Variants in BLK observed in about 807,000 individuals in gnomAD.
BLK encodes the protein BLK proto-oncogene, Src family tyrosine kinase.
Under a neutral mutation model 61.8 loss-of-function variants are expected in BLK, and 64 were observed. The ratio of observed to expected loss-of-function variants is 1.03; its 90% CI spans 0.85 to 1.27. BLK has a LOEUF of 1.27. Ranked by LOEUF, BLK falls within the 50% of genes most tolerant of loss-of-function variation. BLK has a pLI of 0.00. For missense variants in BLK, 853 were observed against 660.5 expected (o/e 1.29, Z -3.19); for synonymous variants, 351 against 272.0 (o/e 1.29, Z -2.86).
intron 4 of BLK, among the ~76,000 whole-genome samples, 172 bp from the exon 5 acceptor site, chr8:11,548,852 A>T (rs1800769160): frequency 1.3e-5 from 2 of 152,192 alleles, no homozygotes; most frequent in African/African-American, 4.8e-5. Context: ...TTGCCCGGAT[A>T]GCCACTGTAC....
chr8:11,526,608 A>G (rs1174194136), intron 1 of BLK, among the ~76,000 whole-genome samples: 1 of 152,198 alleles, frequency 6.6e-6, no homozygotes, highest in Non-Finnish European at 1.5e-5. Flanking sequence ...CGTCCCAGCT[A>G]CTTGGGAGGC....
chr8:11,513,830 A>G lies in BLK; in HGVS notation c.-2+19239A>G, dbSNP rs147068517. On this transcript the variant is annotated intron_variant, in intron 1 of 12. Transcript: ENST00000259089. ...CGGGCAGTCCACACCACCGCCGCGC[A>G]CTGCATGAGAACCCTGTGTGAAGGG... is the stretch of plus-strand genomic sequence containing the variant. Among the ~76,000 whole-genome samples, 1,033 of 152,310 alleles carry G rather than the reference A, an allele frequency of 6.8e-3. 8 individuals are homozygous for G. Among genetic ancestry groups the G allele is most frequent in the African/African-American group, 0.023 (970 of 41,566 alleles).
chr8:11,504,832 G>A (rs1798706982), intron 1 of BLK, among the ~76,000 whole-genome samples: 1 of 152,228 alleles, frequency 6.6e-6, no homozygotes, highest in Non-Finnish European at 1.5e-5. Context: ...AGTGGCCCAT[G>A]TGGACTTTGT....
chr8:11,555,379 C>A lies in BLK; in HGVS notation c.667C>A (p.Pro223Thr), dbSNP rs551647338. Residue 223 changes from proline to threonine, a missense_variant, in exon 8 of 13, where the codon CCG becomes ACG. Coordinates refer to ENST00000259089, the MANE Select transcript of BLK (RefSeq NM_001715.3). Reference protein sequence around the residue: ...CQRLTLPCVRPAPQNPWAQDE... With the variant: ...CQRLTLPCVRTAPQNPWAQDE... Reference sequence around the variant, plus strand: ...GAGGCTGACCCTGCCCTGTGTGCGCCCGGCCCCGCAGAATCCCTGGGCCCA... The same window carrying A: ...GAGGCTGACCCTGCCCTGTGTGCGCACGGCCCCGCAGAATCCCTGGGCCCA... 1 of 1,614,106 alleles carries A rather than the reference C, an allele frequency of 6.2e-7. No individual in the cohort carries two copies. The highest frequency in any genetic ancestry group is 1.1e-5 in the South Asian group (1 of 91,080).
At chr8:11,512,047 T>TC (rs2117290458) in intron 1 of BLK, among the ~76,000 whole-genome samples, 1 of 152,336 alleles carries the variant, frequency 6.6e-6, no homozygotes, top group African/African-American at 2.4e-5. Flanking sequence ...TATCAAGTGG[T>TC]AAGATGGGGC....
chr8:11,547,821 T>C (rs1800713180), intron 3 of BLK, among the ~76,000 whole-genome samples: 1 of 152,058 alleles, frequency 6.6e-6, no homozygotes. Context: ...GGCTTCTTAG[T>C]GGGTCCACAA....
intron 1 of BLK, among the ~76,000 whole-genome samples, chr8:11,519,912 T>C (rs1318669871): frequency 6.6e-6 from 1 of 152,184 alleles, no homozygotes; most frequent in East Asian, 1.9e-4. Flanking sequence ...ACCAAAATAT[T>C]CACAGAGATT....
intron 10 of BLK, chr8:11,559,737 G>A (rs1169046423): frequency 1.8e-5 from 8 of 455,892 alleles, no homozygotes; most frequent in African/African-American, 4.0e-5. Context: ...CCCATGCCTC[G>A]CCACCCCTCT....
chr8:11,514,643 C>T (rs954073110), intron 1 of BLK, among the ~76,000 whole-genome samples: 3 of 152,196 alleles, frequency 2.0e-5, no homozygotes, highest in African/African-American at 7.2e-5. Context: ...ATTGCACTGC[C>T]CCCACCTCTG....
intron 1 of BLK, among the ~76,000 whole-genome samples, chr8:11,539,773 G>A (rs1455561495): frequency 1.3e-5 from 2 of 152,160 alleles, no homozygotes; most frequent in Non-Finnish European, 2.9e-5. Context: ...ATTAATCCTA[G>A]AAATGGAGCG....
At chr8:11,510,647 C>A (rs1798963006) in intron 1 of BLK, among the ~76,000 whole-genome samples, 1 of 152,002 alleles carries the variant, frequency 6.6e-6, no homozygotes, top group Non-Finnish European at 1.5e-5. Flanking sequence ...TTCTGGGAAT[C>A]CGAGATTGAA....
intron 1 of BLK, among the ~76,000 whole-genome samples, chr8:11,514,312 A>G (rs1479312864): frequency 6.6e-6 from 1 of 152,204 alleles, no homozygotes; most frequent in Non-Finnish European, 1.5e-5. Flanking sequence ...CAAATGTGAG[A>G]AAACCCACTT....
intron 1 of BLK, among the ~76,000 whole-genome samples, chr8:11,523,495 G>C (rs1799534219): frequency 6.6e-6 from 1 of 152,188 alleles, no homozygotes; most frequent in African/African-American, 2.4e-5. Flanking sequence ...GGAGATTGCA[G>C]TGAGCTGCGA....
At chr8:11,531,088 TGACTGAC>T (rs1405186319) in intron 1 of BLK, among the ~76,000 whole-genome samples, 1 of 152,238 alleles carries the variant, frequency 6.6e-6, no homozygotes, top group Non-Finnish European at 1.5e-5. Flanking sequence ...ATTCCCCTAA[TGACTGAC>T]GACACCGAAC....
intron 1 of BLK, among the ~76,000 whole-genome samples, chr8:11,542,898 C>A (rs1800449431): frequency 6.6e-6 from 1 of 152,210 alleles, no homozygotes. Flanking sequence ...TGGGCTCTTT[C>A]TAGAACACCA....
intron 1 of BLK, among the ~76,000 whole-genome samples, chr8:11,501,108 C>T (rs1302289088): frequency 6.6e-6 from 1 of 152,054 alleles, no homozygotes; most frequent in African/African-American, 2.4e-5. Flanking sequence ...ACTCAGAAGG[C>T]TGAGGCAGGA....
intron 1 of BLK, among the ~76,000 whole-genome samples, chr8:11,495,560 G>T (rs1798333467): frequency 6.6e-6 from 1 of 152,020 alleles, no homozygotes; most frequent in South Asian, 2.1e-4. Context: ...CATAACCCCA[G>T]TCAAATCATG....
At chr8:11,563,683 T>C (rs752757101) in intron 12 of BLK, among the ~76,000 whole-genome samples, 19 of 152,218 alleles carry the variant, frequency 1.2e-4, no homozygotes, top group Non-Finnish European at 1.5e-4. Context: ...GGAGAAAATC[T>C]ACAGCCTCAT....
At position 11,546,100 on chromosome 8, in the gene BLK, G is replaced by A; in HGVS notation, c.172G>A (p.Glu58Lys). 1.9e-6 allele frequency: 3 copies of A among 1,614,196 alleles called. No individual in the cohort carries two copies. Among genetic ancestry groups the A allele is most frequent in the Non-Finnish European group, 2.5e-6 (3 of 1,180,022 alleles). ...TCCACCGCCCGATGAACACCTGGAT[G>A]AAGGTAAGAAGGGTGGTTTGGGAAG... ...TPPPPDEHLD[E>K]DKHFVVALYD... The change falls in exon 3 of 13, where the codon GAA becomes AAA. Residue 58 changes from glutamate (E) to lysine (K), a missense_variant. By Grantham distance (56) the Glu-to-Lys change is moderately conservative. Coordinates refer to ENST00000259089, the MANE Select transcript of BLK (RefSeq NM_001715.3).
Sources: allele counts gnomAD v4.1 joint callset (sites outside exome capture counted in the v4.1 genomes callset), GRCh38; gene constraint gnomAD v4.1.1; transcripts MANE v1.5; gene names NCBI Gene and HGNC (gene_info 2026-07-23, HGNC 2026-07-21).